The following CRPPA variants were observed in gnomAD, a reference collection of about 807,000 sequenced individuals.
CRPPA encodes CDP-L-ribitol pyrophosphorylase A.
A neutral mutation model predicts 52.0 loss-of-function variants in CRPPA; 43 were observed. That is an observed-to-expected ratio of 0.83 (90% confidence interval 0.65 to 1.07). The LOEUF (loss-of-function observed/expected upper bound fraction) is 1.07, where lower values mean the gene tolerates loss of function less well. CRPPA is among the 50% of genes least tolerant of loss of function. The pLI is 0.00. For synonymous variants in CRPPA, 250 were observed against 203.5 expected, an observed-to-expected ratio of 1.23 and a Z score of -1.94; for missense variants, 629 against 551.7, an observed-to-expected ratio of 1.14 and a Z score of -1.40.
intron 9 of CRPPA, among the ~76,000 whole-genome samples, chr7:16,184,532 T>C (rs1781469620): frequency 6.6e-6 from 1 of 152,204 alleles, no homozygotes; most frequent in Non-Finnish European, 1.5e-5. Context: ...AGTCATATTA[T>C]TCTTAATAAA....
intron 5 of CRPPA, among the ~76,000 whole-genome samples, chr7:16,287,884 T>C: frequency 7.5e-6 from 1 of 133,166 alleles, no homozygotes; most frequent in Non-Finnish European, 1.5e-5. Context: ...ATTGTACCAC[T>C]GTACTCCAGC....
At chr7:16,402,213 GT>G (rs1464069095) in intron 2 of CRPPA, among the ~76,000 whole-genome samples, 1 of 152,240 alleles carries the variant, frequency 6.6e-6, no homozygotes, top group Non-Finnish European at 1.5e-5. Context: ...GGCAGGGACA[GT>G]TTTCCCTGAG....
chr7:16,221,264 G>C (rs370947794), intron 8 of CRPPA, among the ~76,000 whole-genome samples: 15 of 152,056 alleles, frequency 9.9e-5, no homozygotes, highest in Admixed American at 3.9e-4. Context: ...GAAACTGGAT[G>C]CCTTCCTTAC....
intron 9 of CRPPA, among the ~76,000 whole-genome samples, chr7:16,154,973 C>CTTTTTTTTTTTTT (rs11363510): frequency 7.9e-6 from 1 of 127,030 alleles, no homozygotes; most frequent in African/African-American, 3.0e-5. Flanking sequence ...CTAATTTTTT[C>CTTTTTTTTTTTTT]TTTTTTTTTT....
At position 16,305,694 on chromosome 7, in the gene CRPPA, C is replaced by T. The variant is rs141387747; in HGVS notation, c.789+2829G>A. On this transcript the variant is annotated intron_variant, in intron 4 of 9. Transcript: ENST00000407010. ...CATCCTGGCCAACATGGTGAAACCC[C>T]GTCTCTACTAAAAATACAAAAATTA... 5.6e-3 allele frequency among the ~76,000 whole-genome samples: 859 copies of T among 152,174 alleles called. 4 individuals are homozygous for T. The highest frequency in any genetic ancestry group is 6.9e-3 in the Non-Finnish European group (472 of 68,018).
At chr7:16,163,893 T>C (rs559731937) in intron 9 of CRPPA, among the ~76,000 whole-genome samples, 61 of 152,382 alleles carry the variant, frequency 4.0e-4, no homozygotes, top group African/African-American at 1.4e-3. Context: ...CTGCTGTTAG[T>C]CTGATGGGCT....
intron 4 of CRPPA, among the ~76,000 whole-genome samples, chr7:16,307,939 T>C (rs114401396): frequency 0.026 from 3,866 of 148,460 alleles, 193 homozygotes; most frequent in African/African-American, 0.091. Context: ...AAAAAGGCTA[T>C]TGATATGGTT....
chr7:16,167,186 A>G (rs943121343), intron 9 of CRPPA, among the ~76,000 whole-genome samples: 1 of 152,140 alleles, frequency 6.6e-6, no homozygotes, highest in Non-Finnish European at 1.5e-5. Flanking sequence ...TCAGCCTCTC[A>G]GAGTGCTGGG....
intron 3 of CRPPA, among the ~76,000 whole-genome samples, chr7:16,329,637 A>C (rs1290018009): frequency 6.6e-6 from 1 of 152,188 alleles, no homozygotes; most frequent in Non-Finnish European, 1.5e-5. Context: ...GACCCTGCCT[A>C]ATCTTTGCCT....
At position 16,228,011 on chromosome 7, in the gene CRPPA, T is replaced by C. The variant is rs79872599; in HGVS notation, c.1120-11814A>G. On this transcript the variant is annotated intron_variant, in intron 8 of 9. Coordinates refer to ENST00000407010, the MANE Select transcript of CRPPA (RefSeq NM_001101426.4). ...TATTGAAGAGATTGTGCATTCTCTATTGTGTGTTCTAGGAAATTTTGTCTA... is the reference window on the plus strand; with the variant it reads ...TATTGAAGAGATTGTGCATTCTCTACTGTGTGTTCTAGGAAATTTTGTCTA... Among the ~76,000 whole-genome samples, 265 of 152,020 alleles carry C rather than the reference T, an allele frequency of 1.7e-3. 1 individual carries two copies. Among genetic ancestry groups the C allele is most frequent in the African/African-American group, 6.1e-3 (254 of 41,548 alleles).
At chr7:16,093,198 CTT>C (rs1269077745) in intron 9 of CRPPA, among the ~76,000 whole-genome samples, 13 of 152,234 alleles carry the variant, frequency 8.5e-5, no homozygotes, top group Non-Finnish European at 1.8e-4. Flanking sequence ...ATATGGAACA[CTT>C]TGCTCAATGC....
chr7:16,103,612 C>T (rs760977655), intron 9 of CRPPA, among the ~76,000 whole-genome samples: 5 of 152,088 alleles, frequency 3.3e-5, no homozygotes, highest in Non-Finnish European at 5.9e-5. Flanking sequence ...AAAAAACACC[C>T]AGTCTAAGAA....
chr7:16,266,067 C>T (rs549760434), intron 6 of CRPPA, among the ~76,000 whole-genome samples: 9 of 152,240 alleles, frequency 5.9e-5, no homozygotes, highest in South Asian at 2.1e-4. Flanking sequence ...AAGTCAACTC[C>T]GGGGGAAGGG....
intron 9 of CRPPA, among the ~76,000 whole-genome samples, chr7:16,152,329 G>A (rs1019841651): frequency 7.9e-5 from 12 of 151,112 alleles, no homozygotes; most frequent in Non-Finnish European, 1.5e-5. Context: ...GAATTTATAA[G>A]TTACATAAGA....
chr7:16,251,381 T>C (rs548133628), intron 8 of CRPPA, among the ~76,000 whole-genome samples: 4 of 152,276 alleles, frequency 2.6e-5, no homozygotes, highest in East Asian at 3.9e-4. Context: ...ATGGACCTAA[T>C]AGAAATCTAC....
intron 5 of CRPPA, among the ~76,000 whole-genome samples, chr7:16,298,005 T>C (rs1161752684): frequency 2.0e-5 from 3 of 152,220 alleles, no homozygotes; most frequent in African/African-American, 4.8e-5. Context: ...CAGGTAAATA[T>C]ACAGCTCTCA....
intron 9 of CRPPA, among the ~76,000 whole-genome samples, chr7:16,144,796 C>T (rs536624986): frequency 3.9e-5 from 6 of 152,158 alleles, no homozygotes; most frequent in African/African-American, 1.2e-4. Flanking sequence ...TCAGCGGCTG[C>T]TGGACTCTCC....
intron 3 of CRPPA, among the ~76,000 whole-genome samples, chr7:16,339,397 A>T (rs903785556): frequency 2.0e-5 from 3 of 152,204 alleles, no homozygotes; most frequent in African/African-American, 7.2e-5. Context: ...AACATTCAAA[A>T]ATCCATCAGT....
intron 3 of CRPPA, among the ~76,000 whole-genome samples, chr7:16,373,282 G>A (rs904389599): frequency 6.6e-6 from 1 of 151,954 alleles, no homozygotes; most frequent in African/African-American, 2.4e-5. Context: ...GGCAACAAGA[G>A]CGAAACTCCA....
Sources: gnomAD v4.1 joint callset for allele counts (sites outside exome capture counted in the v4.1 genomes callset) on GRCh38, gnomAD v4.1.1 for gene constraint, MANE v1.5 for transcripts, NCBI Gene and HGNC (gene_info 2026-07-23, HGNC 2026-07-21) for gene names.